The following PDGFRL variants were observed in gnomAD, a reference collection of about 807,000 sequenced individuals.
PDGFRL encodes platelet derived growth factor receptor like, also known as platelet-derived growth factor receptor-like protein.
PDGFRL carries 46 observed loss-of-function variants against 37.2 expected under a neutral mutation model. That is an observed-to-expected ratio of 1.24 (90% CI 0.98 to 1.58). The LOEUF is 1.58. Among genes scored for constraint, PDGFRL ranks in the 40% most tolerant of loss-of-function variants. The pLI is 0.00. For missense variants in PDGFRL, 692 were observed against 467.6 expected (o/e 1.48, Z -4.43); for synonymous variants, 251 against 184.3 (o/e 1.36, Z -2.93).
chr8:17,629,734 C>T (rs1170947324), intron 4 of PDGFRL, among the ~76,000 whole-genome samples: 4 of 152,136 alleles, frequency 2.6e-5, no homozygotes, highest in Non-Finnish European at 5.9e-5. Context: ...CTCAGATATT[C>T]CCACCCTCAT....
intron 1 of PDGFRL, among the ~76,000 whole-genome samples, chr8:17,578,940 C>T (rs1803645902): frequency 6.6e-6 from 1 of 152,212 alleles, no homozygotes; most frequent in Admixed American, 6.5e-5. Context: ...TGGCTCATGC[C>T]TGTAATCCCA....
intron 1 of PDGFRL, among the ~76,000 whole-genome samples, chr8:17,587,936 C>T (rs1803851781): frequency 6.6e-6 from 1 of 150,438 alleles, no homozygotes; most frequent in South Asian, 2.1e-4. Flanking sequence ...GGCCTACAGT[C>T]CCCTATTCAT....
At position 17,591,309 on chromosome 8, in the gene PDGFRL, G is replaced by T. The variant is rs1362251713; in HGVS notation, c.353+1544G>T. On this transcript the variant is annotated intron_variant, in intron 2 of 5. Coordinates refer to ENST00000251630, the MANE Select transcript of PDGFRL (RefSeq NM_001372073.1). The stretch of plus-strand genomic sequence containing the variant: ...GGAGGCTAGGCTTCTAGACCAGGAA[G>T]AGTGGTTACCATGGTGACAGCGGCA... Among the ~76,000 whole-genome samples the T allele has an allele frequency of 2.0e-5, 3 of 152,192 alleles. No individual in the cohort carries two copies. In the East Asian group the frequency reaches 5.8e-4, roughly 29 times the overall value.
At chr8:17,600,190 A>G (rs73198162) in intron 2 of PDGFRL, among the ~76,000 whole-genome samples, 36,808 of 151,872 alleles carry the variant, frequency 0.24, 5,051 homozygotes, top group African/African-American at 0.35. Context: ...TTTTTTCACC[A>G]AGGTCAACAA....
intron 1 of PDGFRL, 63 bp downstream of exon 1, chr8:17,577,370 C>A: frequency 7.4e-7 from 1 of 1,359,796 alleles, no homozygotes; most frequent in Non-Finnish European, 1.0e-6. Flanking sequence ...GACCCGAAGC[C>A]CCCGCCGCCC....
At chr8:17,631,121 T>A (rs1419639253) in intron 4 of PDGFRL, among the ~76,000 whole-genome samples, 1 of 152,106 alleles carries the variant, frequency 6.6e-6, no homozygotes, top group Non-Finnish European at 1.5e-5. Flanking sequence ...CTAGGAGCAG[T>A]TGCGTTGCAG....
intron 2 of PDGFRL, among the ~76,000 whole-genome samples, chr8:17,600,379 A>T (rs533861261): frequency 1.3e-5 from 2 of 152,102 alleles, no homozygotes; most frequent in Non-Finnish European, 2.9e-5. Flanking sequence ...TCTTCCAGAC[A>T]TTGAATGTTG....
chr8:17,643,065 T>G lies in PDGFRL; in HGVS notation c.*264T>G, dbSNP rs917806466. 4 of 353,584 alleles carry G rather than the reference T, an allele frequency of 1.1e-5. No homozygotes were observed. Among genetic ancestry groups the G allele is most frequent in the African/African-American group, 2.1e-5 (1 of 47,362 alleles). The allele number at this position is 353,584 out of a possible 1,614,324, so 21.9% of individuals were successfully genotyped here. ...CTAGTTTTTATACATGTGTAAACAA[T>G]TTTATATAATCAATCATTTCTATTA... is the stretch of plus-strand genomic sequence containing the variant. On this transcript the variant is annotated 3_prime_UTR_variant, in exon 6 of 6. Transcript: ENST00000251630.
chr8:17,594,167 A>G (rs1804002538), intron 2 of PDGFRL, among the ~76,000 whole-genome samples: 1 of 152,106 alleles, frequency 6.6e-6, no homozygotes, highest in Non-Finnish European at 1.5e-5. Context: ...GATGTCCTCA[A>G]AGTTCTTTGA....
chr8:17,621,982 C>G (rs138243048), intron 3 of PDGFRL, among the ~76,000 whole-genome samples: 1 of 152,250 alleles, frequency 6.6e-6, no homozygotes, highest in East Asian at 1.9e-4. Flanking sequence ...CCTGTTTGTT[C>G]TTGTGAATAC....
chr8:17,590,064 T>C lies in PDGFRL; in HGVS notation c.353+299T>C, dbSNP rs142833224. Reference sequence around the variant, plus strand: ...GGCTAACCCGGTGAAATCCCGTCTCTATTAAAAATACAGAAAATTAGCTGG... The same window carrying C: ...GGCTAACCCGGTGAAATCCCGTCTCCATTAAAAATACAGAAAATTAGCTGG... On this transcript the variant is annotated intron_variant, in intron 2 of 5. Transcript: ENST00000251630. Among the ~76,000 whole-genome samples, 629 of 151,294 alleles carry C rather than the reference T, an allele frequency of 4.2e-3. 10 individuals are homozygous for C. The highest frequency in any genetic ancestry group is 0.029 in the South Asian group (136 of 4,768).
intron 1 of PDGFRL, among the ~76,000 whole-genome samples, 157 bp from the exon 2 acceptor site, chr8:17,589,311 G>A (rs914738278): frequency 6.6e-6 from 1 of 152,010 alleles, no homozygotes; most frequent in Non-Finnish European, 1.5e-5. Flanking sequence ...ACTTGAACCT[G>A]GGAGGTGGAG....
chr8:17,633,880 C>T (rs553168682), intron 4 of PDGFRL, among the ~76,000 whole-genome samples, 194 bp from the exon 5 acceptor site: 1 of 152,204 alleles, frequency 6.6e-6, no homozygotes, highest in Non-Finnish European at 1.5e-5. Context: ...CCATTCCAGA[C>T]CACCAAGGTC....
chr8:17,583,538 T>G (rs772504736), intron 1 of PDGFRL, among the ~76,000 whole-genome samples: 3 of 152,176 alleles, frequency 2.0e-5, no homozygotes, highest in Admixed American at 2.0e-4. Context: ...TAATTTGCAG[T>G]ATTTGAAAGA....
At chr8:17,594,362 T>A (rs1273271293) in intron 2 of PDGFRL, among the ~76,000 whole-genome samples, 2 of 151,046 alleles carry the variant, frequency 1.3e-5, no homozygotes, top group Non-Finnish European at 2.9e-5. Flanking sequence ...TGCCTCAGCC[T>A]CCCAACTAGC....
chr8:17,601,258 C>T (rs148672490), intron 2 of PDGFRL, among the ~76,000 whole-genome samples: 1 of 152,276 alleles, frequency 6.6e-6, no homozygotes, highest in African/African-American at 2.4e-5. Flanking sequence ...ATGTTTTCCT[C>T]ACACCCAGCA....
At chr8:17,609,964 G>A (rs370937370) in intron 2 of PDGFRL, among the ~76,000 whole-genome samples, 7 of 152,266 alleles carry the variant, frequency 4.6e-5, no homozygotes, top group Non-Finnish European at 7.4e-5. Context: ...CCTTGAAAAC[G>A]TTGGCAGGAG....
At chr8:17,579,556 G>GTTA (rs3988349) in intron 1 of PDGFRL, among the ~76,000 whole-genome samples, 4,307 of 119,464 alleles carry the variant, frequency 0.036, 101 homozygotes, top group African/African-American at 0.077. Context: ...TATTATTATT[G>GTTA]TTATTATTAT....
rs568549327 is a variant in PDGFRL at position 17,591,546 on chromosome 8, A to G, written c.353+1781A>G. On this transcript the variant is annotated intron_variant, in intron 2 of 5. Coordinates refer to ENST00000251630, the MANE Select transcript of PDGFRL (RefSeq NM_001372073.1). ...ATTCTTTCTGGCCCTATTTCCGTAT[A>G]TGATGGAGAAATAGGATGGACTTAC... Among the ~76,000 whole-genome samples the G allele has an allele frequency of 3.9e-5, 6 of 152,330 alleles. No homozygotes were observed. The South Asian group carries it at 8.3e-4, about 21-fold the overall frequency.
Sources: gnomAD v4.1 joint callset for allele counts (sites outside exome capture counted in the v4.1 genomes callset) on GRCh38, gnomAD v4.1.1 for gene constraint, MANE v1.5 for transcripts, NCBI Gene and HGNC (gene_info 2026-07-23, HGNC 2026-07-21) for gene names.